GALNTL6: variants seen among roughly 807,000 people sequenced by gnomAD.
The protein encoded by GALNTL6 is polypeptide N-acetylgalactosaminyltransferase like 6.
GALNTL6 carries 46 observed loss-of-function variants against 73.7 expected under a neutral mutation model. The observed-to-expected ratio is 0.62, with a 90% CI of 0.49 to 0.80. GALNTL6 has a LOEUF of 0.80. GALNTL6 is among the 30% of genes least tolerant of loss of function. The probability of loss-of-function intolerance (pLI) is 0.00; values close to 1 mark genes in which losing one functional copy is unlikely to be tolerated. For missense variants in GALNTL6, 604 were observed against 755.0 expected, an observed-to-expected ratio of 0.80 and a Z score of 2.34; for synonymous variants, 259 against 263.7, an observed-to-expected ratio of 0.98 and a Z score of 0.17.
intron 2 of GALNTL6, among the ~76,000 whole-genome samples, chr4:171,932,000 A>G (rs1435804265): frequency 6.6e-6 from 1 of 152,192 alleles, no homozygotes; most frequent in African/African-American, 2.4e-5. Context: ...TAACTGATAG[A>G]ACTGTTTATA....
At position 172,035,308 on chromosome 4, in the gene GALNTL6, G is replaced by T. The variant is rs369690928; in HGVS notation, c.139-194348G>T. On this transcript the variant is annotated intron_variant, in intron 2 of 12. Transcript: ENST00000506823. ...ATGTAGGCAGGACAAAGTTTCCTGA[G>T]GCTAAAATATGAAAGAAACCATCAC... Among the ~76,000 whole-genome samples the T allele has an allele frequency of 7.2e-5, 11 of 152,102 alleles. No homozygotes were observed. The South Asian group carries it at 1.0e-3, about 14-fold the overall frequency.
At chr4:171,945,904 A>C (rs1239074356) in intron 2 of GALNTL6, among the ~76,000 whole-genome samples, 1 of 152,178 alleles carries the variant, frequency 6.6e-6, no homozygotes, top group Non-Finnish European at 1.5e-5. Context: ...ATTACTGGAT[A>C]TGAATCTTGA....
chr4:172,158,396 A>C (rs746544012), intron 2 of GALNTL6, among the ~76,000 whole-genome samples: 34 of 151,858 alleles, frequency 2.2e-4, no homozygotes, highest in Non-Finnish European at 3.8e-4. Flanking sequence ...TCCCCTGGTT[A>C]CTCAGATTTT....
At chr4:172,757,490 A>C (rs1737818678) in intron 5 of GALNTL6, among the ~76,000 whole-genome samples, 1 of 152,238 alleles carries the variant, frequency 6.6e-6, no homozygotes, top group African/African-American at 2.4e-5. Flanking sequence ...ACTGAGGCTT[A>C]GAGGGATTAT....
rs557893368 is a variant in GALNTL6 at position 172,615,653 on chromosome 4, T to C, written c.554-193708T>C. ...ATGTATGGCAAGAATGTGTATACTA[T>C]AAATCGAGTCTATAACTCTTACATA... On this transcript the variant is annotated intron_variant, in intron 5 of 12. Transcript: ENST00000506823. 2.0e-5 allele frequency among the ~76,000 whole-genome samples: 3 copies of C among 152,328 alleles called. No individual in the cohort carries two copies. The South Asian group carries it at 6.2e-4, about 32-fold the overall frequency.
intron 5 of GALNTL6, among the ~76,000 whole-genome samples, chr4:172,407,426 G>A (rs368888369): frequency 1.4e-4 from 22 of 152,204 alleles, no homozygotes; most frequent in African/African-American, 4.6e-4. Flanking sequence ...GGCAGATTCT[G>A]TGGCAACAAT....
At chr4:172,111,818 T>C (rs1473675219) in intron 2 of GALNTL6, among the ~76,000 whole-genome samples, 1 of 152,046 alleles carries the variant, frequency 6.6e-6, no homozygotes, top group African/African-American at 2.4e-5. Flanking sequence ...AGAGATTGCA[T>C]ACATACCTGC....
intron 4 of GALNTL6, among the ~76,000 whole-genome samples, chr4:172,320,755 G>A (rs1167429307): frequency 2.0e-5 from 3 of 152,184 alleles, no homozygotes; most frequent in Non-Finnish European, 4.4e-5. Context: ...CCAGCAATTA[G>A]TGGTGTTTAA....
intron 2 of GALNTL6, among the ~76,000 whole-genome samples, chr4:172,034,471 A>G (rs1741875376): frequency 6.6e-6 from 1 of 150,884 alleles, no homozygotes. Context: ...ATAAATAGAA[A>G]CATGCAATCT....
At position 172,508,079 on chromosome 4, in the gene GALNTL6, T is replaced by C. The variant is rs1734404224; in HGVS notation, c.553+159390T>C. ...AGACTTTCCTTTAAATAGATATACG[T>C]TAAACAGGAAAGTATAGAGGGTGCA... On this transcript the variant is annotated intron_variant, in intron 5 of 12. Transcript: ENST00000506823. 3.7e-5 allele frequency among the ~76,000 whole-genome samples: 2 copies of C among 54,746 alleles called. 1 individual carries two copies. Among genetic ancestry groups the C allele is most frequent in the African/African-American group, 9.1e-5 (2 of 21,886 alleles). The allele number at this position is 54,746 out of a possible 152,430, so 35.9% of individuals were successfully genotyped here.
intron 12 of GALNTL6, among the ~76,000 whole-genome samples, chr4:173,025,424 T>A (rs1753192380): frequency 6.6e-6 from 1 of 152,174 alleles, no homozygotes; most frequent in Non-Finnish European, 1.5e-5. Context: ...TCACTAAGAC[T>A]TGTCACCTGC....
rs1184273752 is a variant in GALNTL6, at chr4:171,934,167, A to G, written c.138+119449A>G. On this transcript the variant is annotated intron_variant, in intron 2 of 12. Transcript: ENST00000506823. ...TATGACTTCAGTTTCTTAAAAGTCT[A>G]TTGGCAGACAAGGTAGATGAAACTA... is the stretch of plus-strand genomic sequence containing the variant. 4.6e-5 allele frequency among the ~76,000 whole-genome samples: 7 copies of G among 152,290 alleles called. No homozygotes were observed. The East Asian group carries it at 5.8e-4, about 13-fold the overall frequency.
At chr4:172,075,240 T>G (rs1731665609) in intron 2 of GALNTL6, among the ~76,000 whole-genome samples, 1 of 152,186 alleles carries the variant, frequency 6.6e-6, no homozygotes, top group Non-Finnish European at 1.5e-5. Flanking sequence ...CTAATTTTCC[T>G]TTTTAAATAT....
chr4:172,253,117 T>C (rs924684932), intron 3 of GALNTL6, among the ~76,000 whole-genome samples: 3 of 152,008 alleles, frequency 2.0e-5, no homozygotes, highest in Middle Eastern at 3.2e-3. Context: ...TAATAAGCAT[T>C]ATTTTATTTT....
At chr4:172,695,815 T>C (rs951074288) in intron 5 of GALNTL6, among the ~76,000 whole-genome samples, 1 of 152,024 alleles carries the variant, frequency 6.6e-6, no homozygotes, top group Non-Finnish European at 1.5e-5. Flanking sequence ...TAGCCGGGCA[T>C]GGTGGCGGGC....
chr4:172,396,316 C>CT (rs10715891), intron 5 of GALNTL6, among the ~76,000 whole-genome samples: 18 of 137,570 alleles, frequency 1.3e-4, no homozygotes, highest in East Asian at 6.2e-4. Context: ...CTTTTTTTTT[C>CT]TTTTTTTTTT....
chr4:172,861,058 G>A (rs1744366526), intron 7 of GALNTL6, among the ~76,000 whole-genome samples: 1 of 152,156 alleles, frequency 6.6e-6, no homozygotes, highest in African/African-American at 2.4e-5. Context: ...GCTTACAGAA[G>A]AGAAACTTGG....
At chr4:172,442,816 A>G (rs945713492) in intron 5 of GALNTL6, among the ~76,000 whole-genome samples, 2 of 152,078 alleles carry the variant, frequency 1.3e-5, no homozygotes, top group African/African-American at 2.4e-5. Flanking sequence ...TGTTATTTCA[A>G]TTGATGGCAG....
chr4:172,950,542 A>G (rs1749393246), intron 9 of GALNTL6, among the ~76,000 whole-genome samples: 1 of 152,206 alleles, frequency 6.6e-6, no homozygotes, highest in Non-Finnish European at 1.5e-5. Flanking sequence ...GGACAAGGTC[A>G]GACAGGAGAG....
Sources: allele counts gnomAD v4.1 joint callset (sites outside exome capture counted in the v4.1 genomes callset), GRCh38; gene constraint gnomAD v4.1.1; transcripts MANE v1.5; gene names NCBI Gene and HGNC (gene_info 2026-07-23, HGNC 2026-07-21).